The following CCDC180 variants were observed in gnomAD, a reference collection of about 807,000 sequenced individuals.
CCDC180 encodes coiled-coil domain-containing protein 180.
A neutral mutation model predicts 209.2 loss-of-function variants in CCDC180; 154 were observed. The ratio of observed to expected loss-of-function variants is 0.74; its 90% CI spans 0.65 to 0.84. The LOEUF is 0.84. Ranked by LOEUF, CCDC180 falls within the 40% of genes least tolerant of loss-of-function variation. The probability of loss-of-function intolerance (pLI) is 0.00; values close to 1 mark genes in which losing one functional copy is unlikely to be tolerated. For synonymous variants in CCDC180, 778 were observed against 749.1 expected (o/e 1.04, Z -0.63); for missense variants, 1,874 against 1,997.3 (o/e 0.94, Z 1.18).
intron 5 of CCDC180, among the ~76,000 whole-genome samples, chr9:97,313,655 C>T (rs2118544370): frequency 6.6e-6 from 1 of 152,342 alleles, no homozygotes; most frequent in South Asian, 2.1e-4. Flanking sequence ...CCAGGTCTGA[C>T]ACCAAAGCCT....
chr9:97,328,298 A>T, intron 16 of CCDC180, 152 bp downstream of exon 16: 1 of 858,532 alleles, frequency 1.2e-6, no homozygotes, highest in Non-Finnish European at 1.7e-6. Flanking sequence ...AGTGTCTCTA[A>T]AGAGACCATC....
intron 29 of CCDC180, chr9:97,365,379 A>G (rs1349330531): frequency 6.4e-6 from 2 of 314,912 alleles, no homozygotes; most frequent in African/African-American, 4.3e-5. Context: ...CCTGATTAGC[A>G]TGTCATAAGG....
intron 29 of CCDC180, 71 bp downstream of exon 29, chr9:97,364,199 C>T: frequency 7.0e-7 from 1 of 1,420,556 alleles, no homozygotes; most frequent in Non-Finnish European, 9.8e-7. Flanking sequence ...AAATGTGACT[C>T]AGCTGAGGGG....
intron 8 of CCDC180, 150 bp downstream of exon 8, chr9:97,315,096 A>G: frequency 1.6e-6 from 1 of 611,512 alleles, no homozygotes; most frequent in Non-Finnish European, 2.9e-6. Flanking sequence ...CCTCTGAGGT[A>G]GAGAAGCAGA....
At chr9:97,368,928 A>T (rs1016505639) in intron 31 of CCDC180, among the ~76,000 whole-genome samples, 1 of 152,250 alleles carries the variant, frequency 6.6e-6, no homozygotes, top group Non-Finnish European at 1.5e-5. Context: ...AGATATTAAA[A>T]GTATTGGACA....
intron 10 of CCDC180, among the ~76,000 whole-genome samples, chr9:97,318,939 T>C (rs1315472440): frequency 6.6e-6 from 1 of 151,960 alleles, no homozygotes; most frequent in African/African-American, 2.4e-5. Context: ...GCTTTGCAGT[T>C]TGGAGGTATG....
chr9:97,343,541 C>A lies in CCDC180; in HGVS notation c.2476C>A (p.Leu826Ile). The A allele has an allele frequency of 6.2e-7, 1 of 1,612,068 alleles. No homozygotes were observed. The highest frequency in any genetic ancestry group is 8.5e-7 in the Non-Finnish European group (1 of 1,178,970). The stretch of plus-strand genomic sequence containing the variant: ...AGAACAAGTGACAATTCCATCGAGA[C>A]TAATTTTAGAAATTAAGAAACAGTG... The part of the protein sequence containing the change: ...FIEQVTIPSR[L>I]ILEIKKQLRA... Residue 826 changes from leucine to isoleucine, a missense_variant, in exon 19 of 37, where the codon CTA becomes ATA. By Grantham distance (5) the Leu-to-Ile change is conservative. Transcript: ENST00000529487.
chr9:97,324,727 A>G (rs777618161), intron 13 of CCDC180, among the ~76,000 whole-genome samples: 6 of 152,206 alleles, frequency 3.9e-5, no homozygotes, highest in African/African-American at 1.2e-4. Context: ...GTTTTTAGGA[A>G]TGGCCCAAAC....
chr9:97,350,393 C>T lies in CCDC180; in HGVS notation c.2856-16C>T, dbSNP rs28460122. 3,728 of 1,534,760 alleles carry T rather than the reference C, an allele frequency of 2.4e-3. 45 individuals are homozygous for T. In the African/African-American group the frequency reaches 0.036, roughly 15 times the overall value. Reference sequence around the variant, plus strand: ...TGTCCCCCATCACTGTCCTGTTCCTCCTCTGTCTCCCACAGGCTGGTCACT... The same window carrying T: ...TGTCCCCCATCACTGTCCTGTTCCTTCTCTGTCTCCCACAGGCTGGTCACT... On this transcript the variant is annotated splice_polypyrimidine_tract_variant and intron_variant, in intron 21 of 36. Coordinates refer to ENST00000529487, the MANE Select transcript of CCDC180 (RefSeq NM_020893.6).
intron 18 of CCDC180, among the ~76,000 whole-genome samples, chr9:97,337,506 A>T (rs986031358): frequency 1.3e-5 from 2 of 152,148 alleles, no homozygotes; most frequent in African/African-American, 4.8e-5. Flanking sequence ...CATCCCAGGG[A>T]TGAAGCCAAC....
chr9:97,320,658 G>A (rs1833329135), intron 11 of CCDC180, among the ~76,000 whole-genome samples: 1 of 152,184 alleles, frequency 6.6e-6, no homozygotes, highest in African/African-American at 2.4e-5. Context: ...TTGTGGGGTG[G>A]ATGTCCAGTG....
At chr9:97,369,883 C>A (rs1045224155) in intron 31 of CCDC180, 39 bp from the exon 32 acceptor site, 6 of 1,610,636 alleles carry the variant, frequency 3.7e-6, no homozygotes, top group South Asian at 1.1e-5. Flanking sequence ...TGATTCTAAT[C>A]TGTTCCCTCC....
intron 10 of CCDC180, 144 bp downstream of exon 10, chr9:97,318,726 G>A: frequency 9.0e-7 from 1 of 1,108,622 alleles, no homozygotes; most frequent in Non-Finnish European, 1.3e-6. Context: ...TGGCCACCTG[G>A]ACCATTTCAG....
rs947110772 is a variant in CCDC180, at chr9:97,328,060, G to T, written c.1702G>T (p.Glu568Ter). ...CACCCTCCTGACAAAGGAAGTGATG[G>T]AGTACCCAGCGATCATGCTGAAAGA... ...FHTLLTKEVMEYPAIMLKELN... is the reference protein window; with the variant it reads ...FHTLLTKEVM The change falls in exon 16 of 37, where the codon GAG (glutamate) becomes TAG (stop). Residue 568 changes from glutamate to a stop codon, truncating the protein, a stop_gained. Transcript: ENST00000529487. LOFTEE classifies it high-confidence loss of function. 1 of 1,613,878 alleles carries T rather than the reference G, an allele frequency of 6.2e-7. No individual in the cohort carries two copies. The highest frequency in any genetic ancestry group is 1.3e-5 in the African/African-American group (1 of 74,870).
At chr9:97,329,448 G>C (rs1394443748) in intron 16 of CCDC180, among the ~76,000 whole-genome samples, 1 of 152,152 alleles carries the variant, frequency 6.6e-6, no homozygotes, top group Non-Finnish European at 1.5e-5. Flanking sequence ...AAATTTGCAG[G>C]GTTTACAAGG....
At chr9:97,324,075 C>T in intron 13 of CCDC180, 172 bp downstream of exon 13, 1 of 681,026 alleles carries the variant, frequency 1.5e-6, no homozygotes. Context: ...TCCAAGCTCA[C>T]TCACCGGACT....
At chr9:97,332,357 T>C (rs917332208) in intron 18 of CCDC180, among the ~76,000 whole-genome samples, 2 of 152,216 alleles carry the variant, frequency 1.3e-5, no homozygotes, top group Non-Finnish European at 2.9e-5. Context: ...ATTCAGGCTC[T>C]TTTTTTATTG....
At chr9:97,338,659 C>T (rs1825982931) in intron 18 of CCDC180, among the ~76,000 whole-genome samples, 1 of 152,160 alleles carries the variant, frequency 6.6e-6, no homozygotes, top group Non-Finnish European at 1.5e-5. Context: ...GTGGAGAGTT[C>T]TGTAGATGTC....
chr9:97,343,193 T>C lies in CCDC180; in HGVS notation c.2275-147T>C, dbSNP rs533424036. On this transcript the variant is annotated intron_variant, in intron 18 of 36. Transcript: ENST00000529487. ...ACTTCCCAATTTTAAAAGCACTGTG[T>C]GGGGGGCGAAAAAACCTAGGCAAGA... The C allele has an allele frequency of 1.0e-5, 6 of 571,444 alleles. No individual in the cohort carries two copies. In the African/African-American group the frequency reaches 1.1e-4, roughly 11 times the overall value. The allele number at this position is 571,444 out of a possible 1,614,324, so 35.4% of individuals were successfully genotyped here. A position where few individuals can be genotyped will look rare whatever the true frequency, so the allele number is the denominator to read the frequency against.
Sources: allele counts gnomAD v4.1 joint callset (sites outside exome capture counted in the v4.1 genomes callset), GRCh38; gene constraint gnomAD v4.1.1; transcripts MANE v1.5; gene names NCBI Gene and HGNC (gene_info 2026-07-23, HGNC 2026-07-21).